Variants in DSPP observed in about 807,000 individuals in gnomAD.
The protein encoded by DSPP is deafness, autosomal dominant 39.
Under a neutral mutation model 29.1 loss-of-function variants are expected in DSPP, and 28 were observed. The observed-to-expected ratio is 0.96, with a 90% CI of 0.71 to 1.32. The LOEUF (loss-of-function observed/expected upper bound fraction) is 1.32, where lower values mean the gene tolerates loss of function less well. Ranked by LOEUF, DSPP falls within the 40% of genes most tolerant of loss-of-function variation. The probability of loss-of-function intolerance (pLI) is 0.00; values close to 1 mark genes in which losing one functional copy is unlikely to be tolerated. For missense variants in DSPP, 1,281 were observed against 1,629.9 expected (o/e 0.79, Z 3.69); for synonymous variants, 481 against 503.4 (o/e 0.96, Z 0.60).
At position 87,615,808 on chromosome 4, in the gene DSPP, G is replaced by A. The variant is rs546297122; in HGVS notation, c.3146G>A (p.Ser1049Asn). The A allele has an allele frequency of 7.8e-6, 12 of 1,532,132 alleles. No individual in the cohort carries two copies. In the African/African-American group the frequency reaches 1.8e-4, roughly 23 times the overall value. The allele number at this position is 1,532,132 out of a possible 1,614,324, so 94.9% of individuals were successfully genotyped here. The change falls in exon 5 of 5, where the codon AGT (serine) becomes AAT (asparagine). Residue 1049 changes from serine (S) to asparagine (N), a missense_variant. Coordinates refer to ENST00000651931, the MANE Select transcript of DSPP (RefSeq NM_014208.3). ...GATAGCAGTGACAGCAGCGATAGCA[G>A]TGACAGCAGTGACAGCAGCAATAGC... ...SSDSSDSSDS[S>N]DSSDSSNSSD... is the part of the protein sequence containing the mutation.
intron 1 of DSPP, among the ~76,000 whole-genome samples, chr4:87,608,999 T>A (rs1425887307): frequency 6.6e-6 from 1 of 152,266 alleles, no homozygotes; most frequent in East Asian, 1.9e-4. Context: ...TATTACTTAC[T>A]ATTACTTATT....
Position 87,615,767 on chromosome 4 carries a change from T to TAGCAGTGAC in DSPP, c.3111_3119dup (p.Asp1053_Ser1055dup). The TAGCAGTGAC allele has an allele frequency of 5.4e-6, 4 of 743,114 alleles. No homozygotes were observed. Among genetic ancestry groups the TAGCAGTGAC allele is most frequent in the South Asian group, 2.9e-5 (1 of 35,056 alleles). The allele number at this position is 743,114 out of a possible 1,614,324, so 46.0% of individuals were successfully genotyped here. On this transcript the variant is annotated inframe_insertion, in exon 5 of 5. Transcript: ENST00000651931. ...GCAGCAACAGCAGTGACAGCAGCGA[T>TAGCAGTGAC]AGCAGTGACAGCAGCGATAGCAGTG...
At chr4:87,610,806 C>A in intron 1 of DSPP, 75 bp from the exon 2 acceptor site, 1 of 996,568 alleles carries the variant, frequency 1.0e-6, no homozygotes, top group Non-Finnish European at 1.6e-6. Flanking sequence ...CAAATGCTTA[C>A]ACATCAAAAT....
chr4:87,615,468 A>G lies in DSPP; in HGVS notation c.2806A>G (p.Ser936Gly). The G allele has an allele frequency of 6.4e-7, 1 of 1,551,408 alleles. No homozygotes were observed. The highest frequency in any genetic ancestry group is 1.2e-5 in the South Asian group (1 of 84,038). ...SSNSSDNSNSSDSSNSSDSSD... is the reference protein window; with the variant it reads ...SSNSSDNSNSGDSSNSSDSSD... ...TAATAGTAGTGACAACAGCAATAGC[A>G]GTGACAGCAGCAACAGCAGTGACAG... The change falls in exon 5 of 5, where the codon AGT (serine) becomes GGT (glycine). Residue 936 changes from serine (S) to glycine (G), a missense_variant. Ser to Gly is a moderately conservative substitution (Grantham distance 56, BLOSUM62 0). Around this residue, in one of 4 missense-constraint regions of DSPP, gnomAD observed 444 missense variants for 611.4 expected, o/e 0.73. Transcript: ENST00000651931.
intron 1 of DSPP, 125 bp from the exon 2 acceptor site, chr4:87,610,756 C>A: frequency 1.5e-6 from 1 of 683,242 alleles, no homozygotes; most frequent in South Asian, 1.8e-5. Context: ...CATCGTATGT[C>A]TTCTCGTGTT....
intron 1 of DSPP, among the ~76,000 whole-genome samples, chr4:87,609,397 T>C (rs1178760023): frequency 6.6e-6 from 1 of 152,154 alleles, no homozygotes; most frequent in Admixed American, 6.5e-5. Flanking sequence ...TGCAGAGCTA[T>C]GTAATGATTA....
At position 87,614,179 on chromosome 4, in the gene DSPP, A is replaced by C; in HGVS notation, c.1517A>C (p.Asp506Ala). 2 of 1,614,248 alleles carry C rather than the reference A, an allele frequency of 1.2e-6. No individual in the cohort carries two copies. Among genetic ancestry groups the C allele is most frequent in the Non-Finnish European group, 8.5e-7 (1 of 1,180,036 alleles). The change falls in exon 5 of 5, where the codon GAC becomes GCC. Residue 506 changes from aspartate (D) to alanine (A), a missense_variant. Physicochemically the swap from Asp to Ala is moderately radical, Grantham distance 126. Around this residue, in one of 4 missense-constraint regions of DSPP, gnomAD observed 631 missense variants for 643.2 expected, o/e 0.98. Coordinates refer to ENST00000651931, the MANE Select transcript of DSPP (RefSeq NM_014208.3). ...TCAAAAGATAATGGCAATGGCAGTGACTCAAAAGGAGCAGAAGATGATGAC... is the reference window on the plus strand; with the variant it reads ...TCAAAAGATAATGGCAATGGCAGTGCCTCAAAAGGAGCAGAAGATGATGAC... The part of the protein sequence containing the change: ...DESKDNGNGS[D>A]SKGAEDDDSD...
chr4:87,614,652 A>AACAGCAGTGATAGTAGTG lies in DSPP; in HGVS notation c.2004_2021dup (p.Asp673_Ser678dup). 6.8e-7 allele frequency: 1 copy of AACAGCAGTGATAGTAGTG among 1,474,340 alleles called. No homozygotes were observed. The highest frequency in any genetic ancestry group is 9.1e-7 in the Non-Finnish European group (1 of 1,100,140). The allele number at this position is 1,474,340 out of a possible 1,614,324, so 91.3% of individuals were successfully genotyped here. A position where few individuals can be genotyped will look rare whatever the true frequency, so the allele number is the denominator to read the frequency against. ...TAGCAGCGACAGCAGCAATAGCAGT[A>AACAGCAGTGATAGTAGTG]ACAGCAGTGATAGTAGTGACAGCAG... On this transcript the variant is annotated inframe_insertion, in exon 5 of 5. Transcript: ENST00000651931.
Position 87,616,256 on chromosome 4 carries a change from CAGCGACAGCAGCGAT to C in DSPP, c.3597_3611del (p.Asp1200_Ser1204del). The stretch of plus-strand genomic sequence containing the variant: ...GTGACAGCAGCGACAGCAGCGATAG[CAGCGACAGCAGCGAT>C]AGTAGTGATAGCAGTGACAGCAGTG... On this transcript the variant is annotated inframe_deletion, in exon 5 of 5. Coordinates refer to ENST00000651931, the MANE Select transcript of DSPP (RefSeq NM_014208.3). 1 of 1,530,342 alleles carries C rather than the reference CAGCGACAGCAGCGAT, an allele frequency of 6.5e-7. No homozygotes were observed. Among genetic ancestry groups the C allele is most frequent in the Non-Finnish European group, 8.8e-7 (1 of 1,134,802 alleles). 94.8% of individuals were successfully genotyped at this position (1,530,342 alleles called of 1,614,324 possible). A position where few individuals can be genotyped will look rare whatever the true frequency, so the allele number is the denominator to read the frequency against.
chr4:87,614,088 G>T lies in DSPP; in HGVS notation c.1426G>T (p.Asp476Tyr), dbSNP rs768280960. ...NSSDESNGND[D>Y]ANSESDNNSS... ...CAGTGATGAATCTAATGGCAATGAT[G>T]ATGCTAATTCAGAAAGTGACAATAA... Residue 476 changes from aspartate to tyrosine, a missense_variant, in exon 5 of 5, where the codon GAT becomes TAT. Physicochemically the swap from Asp to Tyr is radical, Grantham distance 160. This residue lies in a region of DSPP where 631 missense variants were observed against 643.2 expected (regional missense o/e 0.98). Coordinates refer to ENST00000651931, the MANE Select transcript of DSPP (RefSeq NM_014208.3). 3 of 1,614,250 alleles carry T rather than the reference G, an allele frequency of 1.9e-6. No individual in the cohort carries two copies. The highest frequency in any genetic ancestry group is 2.2e-5 in the South Asian group (2 of 91,090).
chr4:87,611,039 G>GTGTA, intron 2 of DSPP, 80 bp downstream of exon 2: 1 of 1,011,688 alleles, frequency 9.9e-7, no homozygotes, highest in Non-Finnish European at 1.6e-6. Flanking sequence ...TAGTGTGTGT[G>GTGTA]TGTGTGTGTG....
Position 87,614,788 on chromosome 4 carries a change from ATAGTGACAGCAGTGATAG to A in DSPP, c.2140_2157del (p.Asp714_Ser719del), listed in dbSNP as rs1021039416. 1.1e-4 allele frequency: 173 copies of A among 1,551,074 alleles called. No homozygotes were observed. The highest frequency in any genetic ancestry group is 1.4e-4 in the Non-Finnish European group (157 of 1,146,766). ...AGCAGTGATAGTAGTGACAGCAGTGATAGTGACAGCAGTGATAGTAGTGACAGCAGTAATAGTAACAGC... is the reference window on the plus strand; with the variant it reads ...AGCAGTGATAGTAGTGACAGCAGTGATAGTGACAGCAGTAATAGTAACAGC... On this transcript the variant is annotated inframe_deletion, in exon 5 of 5. Transcript: ENST00000651931.
At chr4:87,611,111 T>A (rs1199139467) in intron 2 of DSPP, 152 bp downstream of exon 2, 5 of 781,644 alleles carry the variant, frequency 6.4e-6, no homozygotes, top group Non-Finnish European at 6.4e-6. Flanking sequence ...GTTTCCTTAA[T>A]TTTTTTTAAC....
Position 87,616,714 on chromosome 4 carries a change from T to C in DSPP, c.*146T>C. ...CAACTGGGGGAATCAAATCAAACAG[T>C]TGGATTCAGAACCAAGACCTAACTC... On this transcript the variant is annotated 3_prime_UTR_variant, in exon 5 of 5. Coordinates refer to ENST00000651931, the MANE Select transcript of DSPP (RefSeq NM_014208.3). 4 of 1,390,236 alleles carry C rather than the reference T, an allele frequency of 2.9e-6. No individual in the cohort carries two copies. Among genetic ancestry groups the C allele is most frequent in the Non-Finnish European group, 3.9e-6 (4 of 1,017,946 alleles). The allele number at this position is 1,390,236 out of a possible 1,614,324, so 86.1% of individuals were successfully genotyped here.
At chr4:87,611,348 TACGA>T (rs1727731921) in intron 2 of DSPP, among the ~76,000 whole-genome samples, 1 of 152,310 alleles carries the variant, frequency 6.6e-6, no homozygotes, top group Admixed American at 6.5e-5. Context: ...TTCATTCTAA[TACGA>T]ACAAAGTCTG....
In DSPP at chr4:87,612,465, T is replaced by G. The variant is rs763608560; in HGVS notation, c.279T>G (p.Phe93Leu). Residue 93 changes from phenylalanine to leucine, a missense_variant, in exon 4 of 5, where the codon TTT becomes TTG. Physicochemically the swap from Phe to Leu is conservative, Grantham distance 22 (BLOSUM62 0). Coordinates refer to ENST00000651931, the MANE Select transcript of DSPP (RefSeq NM_014208.3). ...GGGCAGAAGTAGGAGGGAAGAGTTT[T>G]TCTACATATTCCACATTAGCAAACG... ...SKWAEVGGKS[F>L]STYSTLANEE... 5.6e-6 allele frequency: 9 copies of G among 1,613,926 alleles called. No individual in the cohort carries two copies. Among genetic ancestry groups the G allele is most frequent in the South Asian group, 3.3e-5 (3 of 91,048 alleles).
intron 1 of DSPP, among the ~76,000 whole-genome samples, 172 bp from the exon 2 acceptor site, chr4:87,610,709 G>T (rs543047937): frequency 9.9e-5 from 15 of 152,110 alleles, no homozygotes; most frequent in Non-Finnish European, 1.8e-4. Flanking sequence ...GCTGAGCCTG[G>T]TGATGCCCCC....
Position 87,612,925 on chromosome 4 carries a change from A to C in DSPP, c.739A>C (p.Ser247Arg), listed in dbSNP as rs1405673067. The change falls in exon 4 of 5, where the codon AGT becomes CGT. Residue 247 changes from serine to arginine, a missense_variant. Physicochemically the swap from Ser to Arg is moderately radical, Grantham distance 110. Coordinates refer to ENST00000651931, the MANE Select transcript of DSPP (RefSeq NM_014208.3). ...AGLDNSDGSP[S>R]GNGADEDEDE... is the part of the protein sequence containing the mutation. ...CCTGGATAATTCCGATGGGAGTCCT[A>C]GTGGGAATGGAGCAGATGAGGATGA... 6.2e-7 allele frequency: 1 copy of C among 1,614,024 alleles called. No homozygotes were observed. Among genetic ancestry groups the C allele is most frequent in the Non-Finnish European group, 8.5e-7 (1 of 1,180,038 alleles).
intron 2 of DSPP, among the ~76,000 whole-genome samples, chr4:87,611,743 C>T (rs537981923): frequency 1.4e-4 from 22 of 152,260 alleles, no homozygotes; most frequent in Non-Finnish European, 2.4e-4. Context: ...ACACTTAGAG[C>T]GGGTTTGTGC....
Sources: allele counts gnomAD v4.1 joint callset (sites outside exome capture counted in the v4.1 genomes callset), GRCh38; gene constraint gnomAD v4.1.1; regional missense constraint gnomAD v4.1.1; transcripts MANE v1.5; gene names NCBI Gene and HGNC (gene_info 2026-07-23, HGNC 2026-07-21).